Variants in DSCAML1 observed in about 807,000 individuals in gnomAD.
DSCAML1 encodes the protein cell adhesion molecule DSCAML1.
Under a neutral mutation model 200.5 loss-of-function variants are expected in DSCAML1, and 38 were observed. The observed-to-expected ratio is 0.19, with a 90% CI of 0.15 to 0.25. The LOEUF is 0.25. Among genes scored for constraint, DSCAML1 ranks in the 10% least tolerant of loss-of-function variants. The pLI is 1.00. For missense variants in DSCAML1, 2,223 were observed against 2,858.8 expected, an observed-to-expected ratio of 0.78 and a Z score of 5.07; for synonymous variants, 1,215 against 1,165.0, an observed-to-expected ratio of 1.04 and a Z score of -0.87.
In DSCAML1 at chr11:117,780,282, AAGAAAGAAAGAAAGAAAGAAAGAG is replaced by A; in HGVS notation, c.364+187_364+210del. Among the ~76,000 whole-genome samples the A allele has an allele frequency of 1.0e-5, 1 of 97,032 alleles. No homozygotes were observed. The highest frequency in any genetic ancestry group is 2.7e-4 in the East Asian group (1 of 3,676). 63.7% of individuals were successfully genotyped at this position (97,032 alleles called of 152,430 possible). On this transcript the variant is annotated intron_variant, in intron 2 of 32. Coordinates refer to ENST00000651296, the MANE Select transcript of DSCAML1 (RefSeq NM_020693.4). This position sits in a 1 kb window ranked among gnomAD's most constrained non-coding sequence, Gnocchi z 4.8. ...AAAGAAAGAAAGAAAGAAAGAAAGA[AAGAAAGAAAGAAAGAAAGAAAGAG>A]AGAAAGGAGAAAGAAAGGTGTCTCT...
chr11:117,552,226 C>T (rs553414254), intron 3 of DSCAML1, among the ~76,000 whole-genome samples: 15 of 152,218 alleles, frequency 9.9e-5, no homozygotes, highest in South Asian at 2.1e-4. Flanking sequence ...GCAGCCCTCC[C>T]GCCTTGACAA....
At chr11:117,657,313 T>A (rs1488179330) in intron 3 of DSCAML1, among the ~76,000 whole-genome samples, 1 of 152,168 alleles carries the variant, frequency 6.6e-6, no homozygotes, top group Non-Finnish European at 1.5e-5. Context: ...GAGAGAGCCT[T>A]GAGTCCACAA....
At chr11:117,617,839 C>T (rs1176156932) in intron 3 of DSCAML1, among the ~76,000 whole-genome samples, 1 of 152,120 alleles carries the variant, frequency 6.6e-6, no homozygotes, top group African/African-American at 2.4e-5. Context: ...ACACTCTGTG[C>T]CTCCCCTCGC....
intron 3 of DSCAML1, among the ~76,000 whole-genome samples, chr11:117,553,974 A>C (rs1404609439): frequency 1.3e-5 from 2 of 152,262 alleles, no homozygotes; most frequent in African/African-American, 4.8e-5. Flanking sequence ...TTCAGCCTTT[A>C]AAAGGAAGGA....
chr11:117,490,456 C>T (rs147483467), intron 11 of DSCAML1, among the ~76,000 whole-genome samples: 77 of 152,306 alleles, frequency 5.1e-4, no homozygotes, highest in African/African-American at 1.7e-3. Context: ...GGTCCCCAGA[C>T]CCTGCCACGG....
At chr11:117,758,256 C>T (rs189488181) in intron 3 of DSCAML1, among the ~76,000 whole-genome samples, 25 of 149,934 alleles carry the variant, frequency 1.7e-4, no homozygotes, top group African/African-American at 6.1e-4. Context: ...GCCAAGATCA[C>T]GCCACTGCAC....
chr11:117,443,303 TGG>T (rs1187869166), intron 21 of DSCAML1, among the ~76,000 whole-genome samples: 1 of 152,168 alleles, frequency 6.6e-6, no homozygotes, highest in African/African-American at 2.4e-5. Context: ...CTCTGAAAAG[TGG>T]GGGTGCAGCC....
At chr11:117,433,322 A>G in intron 28 of DSCAML1, 66 bp from the exon 29 acceptor site, 4 of 1,568,664 alleles carry the variant, frequency 2.5e-6, no homozygotes, top group Non-Finnish European at 3.5e-6. Flanking sequence ...GGGGCTCTGC[A>G]GGACAGTGGG....
At chr11:117,591,420 C>T (rs572773080) in intron 3 of DSCAML1, among the ~76,000 whole-genome samples, 6 of 152,336 alleles carry the variant, frequency 3.9e-5, no homozygotes, top group Non-Finnish European at 7.3e-5. Context: ...ACAGAAACCT[C>T]GTCTGCTAGG....
At chr11:117,464,665 G>A (rs917619107) in intron 17 of DSCAML1, among the ~76,000 whole-genome samples, 1 of 152,160 alleles carries the variant, frequency 6.6e-6, no homozygotes, top group Non-Finnish European at 1.5e-5. Flanking sequence ...GAGACAGGTG[G>A]ACAGACAAGT....
At position 117,519,579 on chromosome 11, in the gene DSCAML1, G is replaced by A. The variant is rs536263964; in HGVS notation, c.1214-817C>T. ...TTATGCTTGTAATCTCAGCACTCTG[G>A]GAGGCTGAGATGGGAGGACTGCTTG... On this transcript the variant is annotated intron_variant, in intron 6 of 32. Transcript: ENST00000651296. 2.0e-5 allele frequency among the ~76,000 whole-genome samples: 3 copies of A among 152,286 alleles called. No individual in the cohort carries two copies. The South Asian group carries it at 6.2e-4, about 32-fold the overall frequency.
chr11:117,431,905 A>C (rs574061134), intron 30 of DSCAML1, among the ~76,000 whole-genome samples, 177 bp from the exon 31 acceptor site: 1 of 151,202 alleles, frequency 6.6e-6, no homozygotes, highest in East Asian at 1.9e-4. Context: ...GAGAAGAGCA[A>C]TCGAGTCAAG....
Position 117,532,413 on chromosome 11 carries a change from C to G in DSCAML1, c.621G>C (p.Glu207Asp), listed in dbSNP as rs2050099038. 1 of 1,614,140 alleles carries G rather than the reference C, an allele frequency of 6.2e-7. No homozygotes were observed. Among genetic ancestry groups the G allele is most frequent in the Non-Finnish European group, 8.5e-7 (1 of 1,180,008 alleles). The change falls in exon 4 of 33, where the codon GAG (glutamate) becomes GAC (aspartate). Residue 207 changes from glutamate to aspartate, a missense_variant. Coordinates refer to ENST00000651296, the MANE Select transcript of DSCAML1 (RefSeq NM_020693.4). Reference protein sequence around the residue: ...RCITKHKYSGETRQSNGARLS... With the variant: ...RCITKHKYSGDTRQSNGARLS... ...GGCGTGCCCCATTGCTCTGCCGGGT[C>G]TCCCCGCTATACTTGTGCTTGGTGA...
intron 3 of DSCAML1, among the ~76,000 whole-genome samples, chr11:117,752,186 G>A (rs889985863): frequency 6.6e-6 from 1 of 152,186 alleles, no homozygotes; most frequent in East Asian, 1.9e-4. Flanking sequence ...GAGGCCTCTT[G>A]CACGGAAGCC....
At chr11:117,482,709 G>A (rs1342757177) in intron 11 of DSCAML1, among the ~76,000 whole-genome samples, 1 of 152,158 alleles carries the variant, frequency 6.6e-6, no homozygotes, top group Non-Finnish European at 1.5e-5. Context: ...GGCTGCTATT[G>A]CTGCATTCTG....
At chr11:117,758,103 C>T (rs2054728314) in intron 3 of DSCAML1, among the ~76,000 whole-genome samples, 1 of 151,930 alleles carries the variant, frequency 6.6e-6, no homozygotes, top group African/African-American at 2.4e-5. Flanking sequence ...GAATTCAAGA[C>T]CAGCCTGGCC....
At chr11:117,592,917 G>A (rs1357054394) in intron 3 of DSCAML1, among the ~76,000 whole-genome samples, 1 of 152,232 alleles carries the variant, frequency 6.6e-6, no homozygotes, top group African/African-American at 2.4e-5. Context: ...GCAGCACGGG[G>A]TGTGAACCCC....
rs1332909497 is a variant in DSCAML1, at chr11:117,610,849, C to CG, written c.512-78328_512-78327insC. Among the ~76,000 whole-genome samples the CG allele has an allele frequency of 1.1e-4, 16 of 148,496 alleles. 2 individuals carry two copies. The highest frequency in any genetic ancestry group is 2.1e-4 in the Admixed American group (3 of 14,480). ...AAACCAAACCAAAACAACCCCCCCC[C>CG]CCCACAATGTGTTCGTAGACTTCTT... On this transcript the variant is annotated intron_variant, in intron 3 of 32. Coordinates refer to ENST00000651296, the MANE Select transcript of DSCAML1 (RefSeq NM_020693.4).
At chr11:117,598,285 A>G (rs1230698853) in intron 3 of DSCAML1, among the ~76,000 whole-genome samples, 1 of 152,260 alleles carries the variant, frequency 6.6e-6, no homozygotes, top group Non-Finnish European at 1.5e-5. Flanking sequence ...ATAAAAATTA[A>G]AAAGATAGTA....
Sources: gnomAD v4.1 joint callset for allele counts (sites outside exome capture counted in the v4.1 genomes callset) on GRCh38, gnomAD v4.1.1 for gene constraint, Gnocchi (gnomAD v3.1) non-coding constraint, MANE v1.5 for transcripts, NCBI Gene and HGNC (gene_info 2026-07-23, HGNC 2026-07-21) for gene names.